NHSL1: variants seen among roughly 807,000 people sequenced by gnomAD.
NHSL1 encodes NHS-like protein 1.
Under a neutral mutation model 95.0 loss-of-function variants are expected in NHSL1, and 48 were observed. The ratio of observed to expected loss-of-function variants is 0.51; its 90% confidence interval spans 0.40 to 0.64. The LOEUF (loss-of-function observed/expected upper bound fraction) is 0.64, where lower values mean the gene tolerates loss of function less well. Ranked by LOEUF, NHSL1 falls within the 30% of genes least tolerant of loss-of-function variation. The pLI, the probability that NHSL1 is intolerant of heterozygous loss-of-function variation, is 0.00. For missense variants in NHSL1, 1,971 were observed against 2,077.7 expected, an observed-to-expected ratio of 0.95 and a Z score of 1.00; for synonymous variants, 783 against 833.9, an observed-to-expected ratio of 0.94 and a Z score of 1.05.
At chr6:138,621,146 A>T (rs1006359549) in intron 1 of NHSL1, among the ~76,000 whole-genome samples, 4 of 152,184 alleles carry the variant, frequency 2.6e-5, no homozygotes, top group African/African-American at 7.2e-5. Context: ...TTAGTTGAGA[A>T]ACCTGAAGAC....
chr6:138,584,571 C>G (rs1441635788), intron 1 of NHSL1, among the ~76,000 whole-genome samples: 1 of 152,104 alleles, frequency 6.6e-6, no homozygotes, highest in Non-Finnish European at 1.5e-5. Flanking sequence ...AAGTAATGAA[C>G]TTATTCAATA....
At chr6:138,619,251 T>C (rs550517344) in intron 1 of NHSL1, among the ~76,000 whole-genome samples, 10 of 152,076 alleles carry the variant, frequency 6.6e-5, no homozygotes, top group African/African-American at 2.4e-4. Flanking sequence ...GGCAGGGGAA[T>C]TGCTTGAACC....
intron 5 of NHSL1, among the ~76,000 whole-genome samples, chr6:138,439,093 T>C (rs1776365596): frequency 1.3e-5 from 2 of 152,208 alleles, no homozygotes; most frequent in African/African-American, 4.8e-5. Context: ...GTGTTATATA[T>C]TGGCTAGTCT....
chr6:138,537,587 TA>T (rs1454732910), intron 1 of NHSL1, among the ~76,000 whole-genome samples: 2 of 109,540 alleles, frequency 1.8e-5, no homozygotes, highest in Non-Finnish European at 3.5e-5. Context: ...GCATCTTATG[TA>T]AGCTTTACTT....
chr6:138,546,434 A>G (rs1782800629), upstream of NHSL1, among the ~76,000 whole-genome samples: 2 of 124,288 alleles, frequency 1.6e-5, no homozygotes, highest in Non-Finnish European at 3.1e-5. Context: ...CTACAAAAAA[A>G]AAAAAAAAAA....
chr6:138,479,281 T>C (rs1451523083), intron 2 of NHSL1, among the ~76,000 whole-genome samples: 1 of 152,256 alleles, frequency 6.6e-6, no homozygotes, highest in Non-Finnish European at 1.5e-5. Context: ...TGATTTTCTT[T>C]TGCTGTCCTT....
intron 2 of NHSL1, among the ~76,000 whole-genome samples, chr6:138,474,184 A>G (rs1178371421): frequency 6.6e-6 from 1 of 152,164 alleles, no homozygotes; most frequent in Non-Finnish European, 1.5e-5. Flanking sequence ...AAAACTTCCA[A>G]TGGCTCTTTA....
intron 3 of NHSL1, among the ~76,000 whole-genome samples, chr6:138,462,634 A>C (rs541264042): frequency 2.6e-5 from 4 of 152,344 alleles, no homozygotes; most frequent in African/African-American, 9.6e-5. Context: ...AGATTTGAGA[A>C]GGTGTGAAAT....
In NHSL1 at chr6:138,625,290, G is replaced by A. The variant is rs369542285; in HGVS notation, c.96+67186C>T. Among the ~76,000 whole-genome samples the A allele has an allele frequency of 3.7e-4, 56 of 152,116 alleles. No homozygotes were observed. The South Asian group carries it at 4.2e-3, about 11-fold the overall frequency. ...CCTGAGTAGCTGGGACTACAGGTGT[G>A]CGCCACCACGCCTGACTAATTTTTG... On this transcript the variant is annotated intron_variant, in intron 1 of 3. Coordinates refer to the NHSL1 transcript ENST00000491526.
intron 1 of NHSL1, among the ~76,000 whole-genome samples, chr6:138,535,096 A>T (rs1319951713): frequency 6.6e-6 from 1 of 152,132 alleles, no homozygotes; most frequent in African/African-American, 2.4e-5. Context: ...TAAAAGATCT[A>T]CTCTGGCTAC....
chr6:138,670,622 C>T (rs1285628725), intron 1 of NHSL1, among the ~76,000 whole-genome samples: 2 of 144,024 alleles, frequency 1.4e-5, no homozygotes, highest in African/African-American at 2.6e-5. Context: ...GCCGAGATCC[C>T]GCCACTGCAC....
intron 3 of NHSL1, among the ~76,000 whole-genome samples, chr6:138,452,109 A>G (rs1026028591): frequency 5.3e-5 from 8 of 152,352 alleles, no homozygotes; most frequent in South Asian, 4.1e-4. Flanking sequence ...CAGTTGGTCA[A>G]TAATGTTCAC....
chr6:138,560,482 A>G (rs1273130820), intron 1 of NHSL1, among the ~76,000 whole-genome samples: 2 of 152,232 alleles, frequency 1.3e-5, no homozygotes, highest in African/African-American at 4.8e-5. Flanking sequence ...CTAGCAAGGA[A>G]AAAATATTTG....
intron 1 of NHSL1, among the ~76,000 whole-genome samples, chr6:138,673,103 T>C (rs1192933409): frequency 1.3e-5 from 2 of 152,138 alleles, no homozygotes; most frequent in Non-Finnish European, 2.9e-5. Flanking sequence ...TCTTCTCCAT[T>C]AGCTCAAATA....
intron 1 of NHSL1, among the ~76,000 whole-genome samples, chr6:138,642,809 C>T (rs1302424892): frequency 6.6e-6 from 1 of 151,994 alleles, no homozygotes; most frequent in African/African-American, 2.4e-5. Context: ...GATGTAGGCA[C>T]ATGCAGATAA....
rs190330846 is a variant in NHSL1 at position 138,579,315 on chromosome 6, T to C, written c.97-82944A>G. ...AAAATGGAACCATCCATCATTTCCA[T>C]GTTACCTTTTTATTTTGATCTTAAC... On this transcript the variant is annotated intron_variant, in intron 1 of 3. Coordinates refer to the NHSL1 transcript ENST00000491526. 7.3e-4 allele frequency among the ~76,000 whole-genome samples: 111 copies of C among 152,360 alleles called. No homozygotes were observed. The East Asian group carries it at 0.015, about 20-fold the overall frequency.
At chr6:138,517,786 T>C (rs576921971) in intron 1 of NHSL1, among the ~76,000 whole-genome samples, 3 of 152,328 alleles carry the variant, frequency 2.0e-5, no homozygotes, top group African/African-American at 7.2e-5. Flanking sequence ...CAAGTGTGGA[T>C]GCCTACACTT....
At chr6:138,450,547 C>T (rs554130536) in intron 3 of NHSL1, among the ~76,000 whole-genome samples, 1 of 152,346 alleles carries the variant, frequency 6.6e-6, no homozygotes, top group African/African-American at 2.4e-5. Context: ...TGCTCATCAG[C>T]CCCACTAACC....
Position 138,626,893 on chromosome 6 carries a change from C to CAAAA in NHSL1, c.96+65579_96+65582dup, listed in dbSNP as rs71009593. 3.7e-3 allele frequency among the ~76,000 whole-genome samples: 29 copies of CAAAA among 7,768 alleles called. 2 individuals carry two copies. Among genetic ancestry groups the CAAAA allele is most frequent in the South Asian group, 0.024 (2 of 84 alleles). 5.1% of individuals were successfully genotyped at this position (7,768 alleles called of 152,430 possible). On this transcript the variant is annotated intron_variant, in intron 1 of 3. Coordinates refer to the NHSL1 transcript ENST00000491526. ...TGGGCGACAGAGCGAGACTCCGTCT[C>CAAAA]AAAAAAAAAAAAAAAAAAAAAAAAA... is the stretch of plus-strand genomic sequence containing the variant.
Sources: allele counts gnomAD v4.1 joint callset (sites outside exome capture counted in the v4.1 genomes callset), GRCh38; gene constraint gnomAD v4.1.1; transcripts MANE v1.5; gene names NCBI Gene and HGNC (gene_info 2026-07-23, HGNC 2026-07-21).